Variants in PAK5 observed in about 807,000 individuals in gnomAD.
PAK5 encodes the protein serine/threonine-protein kinase PAK 5.
Under a neutral mutation model 65.9 loss-of-function variants are expected in PAK5, and 16 were observed. That is an observed-to-expected ratio of 0.24 (90% CI 0.16 to 0.37). The LOEUF (loss-of-function observed/expected upper bound fraction) is 0.37. PAK5 is among the 10% of genes least tolerant of loss of function. The probability of loss-of-function intolerance (pLI) is 1.00; values close to 1 mark genes in which losing one functional copy is unlikely to be tolerated. For synonymous variants in PAK5, 371 were observed against 354.9 expected, an observed-to-expected ratio of 1.05 and a Z score of -0.51; for missense variants, 785 against 903.9, an observed-to-expected ratio of 0.87 and a Z score of 1.69.
intron 2 of PAK5, among the ~76,000 whole-genome samples, chr20:9,702,998 AG>A (rs2047959206): frequency 6.6e-6 from 1 of 152,166 alleles, no homozygotes. Context: ...GTCTTTGTGA[AG>A]GGAGTGTCCT....
chr20:9,632,004 A>G (rs1290575103), intron 3 of PAK5, among the ~76,000 whole-genome samples: 2 of 152,238 alleles, frequency 1.3e-5, no homozygotes, highest in South Asian at 2.1e-4. Context: ...CCCAATTTCT[A>G]TAAGATGCTA....
intron 3 of PAK5, among the ~76,000 whole-genome samples, chr20:9,616,115 G>T (rs1191336586): frequency 6.6e-6 from 1 of 152,194 alleles, no homozygotes; most frequent in African/African-American, 2.4e-5. Context: ...AGACACTGTG[G>T]CTAATTTTTA....
chr20:9,803,255 A>C (rs772114629), intron 1 of PAK5, among the ~76,000 whole-genome samples: 24 of 152,082 alleles, frequency 1.6e-4, no homozygotes, highest in Non-Finnish European at 2.9e-4. Flanking sequence ...TGACATCCAG[A>C]ATTAACAGCT....
chr20:9,805,762 G>A (rs2049224240), intron 1 of PAK5, among the ~76,000 whole-genome samples: 1 of 152,054 alleles, frequency 6.6e-6, no homozygotes, highest in African/African-American at 2.4e-5. Context: ...TCTGATAATG[G>A]GCATAGAATT....
chr20:9,590,123 CA>C (rs1341970238), intron 3 of PAK5, among the ~76,000 whole-genome samples: 1 of 151,664 alleles, frequency 6.6e-6, no homozygotes, highest in Non-Finnish European at 1.5e-5. Flanking sequence ...AGGCATGTGC[CA>C]AAATGCCTGG....
At chr20:9,682,893 G>C (rs1430249498) in intron 2 of PAK5, among the ~76,000 whole-genome samples, 1 of 152,194 alleles carries the variant, frequency 6.6e-6, no homozygotes, top group Non-Finnish European at 1.5e-5. Flanking sequence ...AATGTCTAAT[G>C]ATGTTCAAGC....
At chr20:9,582,120 G>C (rs1312400202) in intron 3 of PAK5, among the ~76,000 whole-genome samples, 1 of 152,148 alleles carries the variant, frequency 6.6e-6, no homozygotes, top group Admixed American at 6.5e-5. Flanking sequence ...GTTGCAAAGA[G>C]AATACAGAGT....
Position 9,580,136 on chromosome 20 carries a change from A to C in PAK5, c.990+9T>G. On this transcript the variant is annotated intron_variant, in intron 4 of 9. Transcript: ENST00000353224. The stretch of plus-strand genomic sequence containing the variant: ...GCACACGTGAGGGAAAGGAGGTAGC[A>C]AACGTTACCTTTGGAATGCACATTG... The C allele has an allele frequency of 6.3e-7, 1 of 1,599,166 alleles. No homozygotes were observed. Among genetic ancestry groups the C allele is most frequent in the East Asian group, 2.2e-5 (1 of 44,704 alleles).
chr20:9,734,316 G>T (rs541515669), intron 1 of PAK5, among the ~76,000 whole-genome samples: 1 of 152,266 alleles, frequency 6.6e-6, no homozygotes, highest in African/African-American at 2.4e-5. Context: ...AAGTCAAAGA[G>T]CTAGGATGGC....
intron 7 of PAK5, among the ~76,000 whole-genome samples, chr20:9,546,332 C>T (rs966663292): frequency 2.0e-5 from 3 of 152,168 alleles, no homozygotes; most frequent in Non-Finnish European, 4.4e-5. Context: ...CAGCAGTACA[C>T]CTCACTCCTA....
At chr20:9,783,314 T>C (rs1472059950) in intron 1 of PAK5, among the ~76,000 whole-genome samples, 1 of 152,196 alleles carries the variant, frequency 6.6e-6, no homozygotes, top group African/African-American at 2.4e-5. Flanking sequence ...CACCAAATAA[T>C]GTATCCAACT....
At chr20:9,653,553 G>A (rs571937310) in intron 2 of PAK5, among the ~76,000 whole-genome samples, 1 of 152,312 alleles carries the variant, frequency 6.6e-6, no homozygotes, top group African/African-American at 2.4e-5. Flanking sequence ...GTGGAAGCCA[G>A]TTCTGAGAGT....
At chr20:9,768,470 G>A (rs1367530645) in intron 1 of PAK5, among the ~76,000 whole-genome samples, 2 of 151,798 alleles carry the variant, frequency 1.3e-5, no homozygotes, top group African/African-American at 4.8e-5. Flanking sequence ...AATAAAAGTT[G>A]AAATTAGAAA....
chr20:9,742,784 C>T (rs1336816706), intron 1 of PAK5, among the ~76,000 whole-genome samples: 1 of 152,172 alleles, frequency 6.6e-6, no homozygotes, highest in African/African-American at 2.4e-5. Flanking sequence ...CTCAAACATG[C>T]CTAAAACATA....
chr20:9,571,434 C>CCAAGCAATG (rs1425762380), intron 4 of PAK5, among the ~76,000 whole-genome samples: 1 of 152,162 alleles, frequency 6.6e-6, no homozygotes, highest in Non-Finnish European at 1.5e-5. Context: ...GAAACTGCCC[C>CCAAGCAATG]CAAGCAATGC....
At chr20:9,608,851 A>C (rs947335674) in intron 3 of PAK5, among the ~76,000 whole-genome samples, 1 of 152,250 alleles carries the variant, frequency 6.6e-6, no homozygotes, top group African/African-American at 2.4e-5. Context: ...AATAAATTAA[A>C]CTGTCCAGCT....
At chr20:9,683,824 T>A (rs1191765716) in intron 2 of PAK5, among the ~76,000 whole-genome samples, 5 of 152,288 alleles carry the variant, frequency 3.3e-5, no homozygotes, top group Admixed American at 2.6e-4. Flanking sequence ...GATCAAGCAA[T>A]CTTCCTGTCT....
chr20:9,755,704 C>A (rs768185312), intron 1 of PAK5, among the ~76,000 whole-genome samples: 1 of 152,174 alleles, frequency 6.6e-6, no homozygotes, highest in South Asian at 2.1e-4. Flanking sequence ...CCTAAAAAGT[C>A]TCCTGTAAAT....
chr20:9,761,622 C>A (rs929431164), intron 1 of PAK5, among the ~76,000 whole-genome samples: 6 of 152,036 alleles, frequency 3.9e-5, no homozygotes, highest in African/African-American at 1.4e-4. Context: ...GCTGGAGGCA[C>A]CATACTTCCC....
Sources: allele counts gnomAD v4.1 joint callset (sites outside exome capture counted in the v4.1 genomes callset), GRCh38; gene constraint gnomAD v4.1.1; transcripts MANE v1.5; gene names NCBI Gene and HGNC (gene_info 2026-07-23, HGNC 2026-07-21).